Variants in ATP13A5 observed in about 807,000 individuals in gnomAD.
The protein encoded by ATP13A5 is probable cation-transporting ATPase 13A5.
ATP13A5 carries 149 observed loss-of-function variants against 150.2 expected under a neutral mutation model. The observed-to-expected ratio is 0.99, with a 90% CI of 0.87 to 1.14. The LOEUF (loss-of-function observed/expected upper bound fraction) is 1.14. Among genes scored for constraint, ATP13A5 ranks in the 50% most tolerant of loss-of-function variants. The probability of loss-of-function intolerance (pLI) is 0.00; values close to 1 mark genes in which losing one functional copy is unlikely to be tolerated. For synonymous variants in ATP13A5, 497 were observed against 522.2 expected (o/e 0.95, Z 0.66); for missense variants, 1,383 against 1,449.3 (o/e 0.95, Z 0.74).
At position 193,347,491 on chromosome 3, in the gene ATP13A5, T is replaced by C. The variant is rs182449590; in HGVS notation, c.742-2416A>G. 1.9e-3 allele frequency among the ~76,000 whole-genome samples: 292 copies of C among 151,218 alleles called. 1 individual carries two copies. Among genetic ancestry groups the C allele is most frequent in the Non-Finnish European group, 3.4e-3 (232 of 67,930 alleles). On this transcript the variant is annotated intron_variant, in intron 7 of 29. Coordinates refer to ENST00000342358, the MANE Select transcript of ATP13A5 (RefSeq NM_198505.4). The stretch of plus-strand genomic sequence containing the variant: ...TAGTGCTTAAAAATAGCATTTTTTT[T>C]CTTTAAGAAGATAAAAATCCTTCCT...
intron 25 of ATP13A5, 99 bp from the exon 26 acceptor site, chr3:193,290,158 C>A (rs1006139932): frequency 2.3e-5 from 28 of 1,216,370 alleles, no homozygotes; most frequent in Non-Finnish European, 3.1e-5. Flanking sequence ...CATTGGGATT[C>A]AGACTAAGCA....
At chr3:193,338,344 A>T (rs1158106173) in intron 9 of ATP13A5, among the ~76,000 whole-genome samples, 1 of 152,158 alleles carries the variant, frequency 6.6e-6, no homozygotes, top group East Asian at 1.9e-4. Context: ...GTTTTTGCCC[A>T]TTCAGTATGA....
intron 17 of ATP13A5, 94 bp from the exon 18 acceptor site, chr3:193,315,190 A>C (rs1390727778): frequency 1.6e-6 from 2 of 1,263,472 alleles, no homozygotes; most frequent in Admixed American, 2.3e-5. Context: ...AAGTTTTATT[A>C]ATGCAATACA....
intron 11 of ATP13A5, among the ~76,000 whole-genome samples, chr3:193,332,091 C>T (rs1003020092): frequency 6.6e-6 from 1 of 152,150 alleles, no homozygotes; most frequent in African/African-American, 2.4e-5. Context: ...TAATTCCCAC[C>T]TGTAGTAAGA....
chr3:193,290,870 ATG>A (rs1214913869), intron 25 of ATP13A5, among the ~76,000 whole-genome samples: 1 of 152,166 alleles, frequency 6.6e-6, no homozygotes, highest in African/African-American at 2.4e-5. Flanking sequence ...GGAAGGAAGC[ATG>A]AGGAGGACAG....
chr3:193,300,020 T>A (rs1028233053), intron 24 of ATP13A5, among the ~76,000 whole-genome samples: 3 of 152,106 alleles, frequency 2.0e-5, no homozygotes, highest in Non-Finnish European at 4.4e-5. Context: ...TCTAGACCAC[T>A]AGAATGAATG....
At chr3:193,311,970 T>C (rs773631730) in intron 19 of ATP13A5, 29 bp from the exon 20 acceptor site, 2 of 1,612,042 alleles carry the variant, frequency 1.2e-6, no homozygotes, top group Non-Finnish European at 1.7e-6. Context: ...CATTTCTACA[T>C]TGACTCCTAA....
chr3:193,333,829 G>C lies in ATP13A5; in HGVS notation c.1193C>G (p.Ala398Gly). ...RPLNFKLYSD[A>G]FKFIVFLACL... ...GGCCAGGAACACGATGAACTTGAAG[G>C]CATCGCTGTATAGTTTGAAGTTCAG... is the stretch of plus-strand genomic sequence containing the variant. The change falls in exon 11 of 30, where the codon GCC becomes GGC. Residue 398 changes from alanine (A) to glycine (G), a missense_variant. By Grantham distance (60) the Ala-to-Gly change is moderately conservative. Around this residue, in one of 3 missense-constraint regions of ATP13A5, gnomAD observed 787 missense variants for 771.9 expected, o/e 1.02. Coordinates refer to ENST00000342358, the MANE Select transcript of ATP13A5 (RefSeq NM_198505.4). The C allele has an allele frequency of 6.2e-7, 1 of 1,613,882 alleles. No individual in the cohort carries two copies. The highest frequency in any genetic ancestry group is 8.5e-7 in the Non-Finnish European group (1 of 1,179,842).
rs560253042 is a variant in ATP13A5, at chr3:193,361,766, T to G, written c.536+615A>C. ...TCATGATTGTGCCACCATTTATGCC[T>G]CTCTTTCTGACTAGTCCGTGTCTCT... On this transcript the variant is annotated intron_variant, in intron 5 of 29. Transcript: ENST00000342358. Among the ~76,000 whole-genome samples, 51 of 152,344 alleles carry G rather than the reference T, an allele frequency of 3.3e-4. No homozygotes were observed. The South Asian group carries it at 0.01, about 30-fold the overall frequency.
At chr3:193,286,845 CA>C (rs1717743483) in intron 26 of ATP13A5, among the ~76,000 whole-genome samples, 1 of 152,092 alleles carries the variant, frequency 6.6e-6, no homozygotes, top group Non-Finnish European at 1.5e-5. Flanking sequence ...CAAGACAGGC[CA>C]AAAGCTAGGC....
At chr3:193,350,361 C>T (rs1712518308) in intron 7 of ATP13A5, among the ~76,000 whole-genome samples, 1 of 152,096 alleles carries the variant, frequency 6.6e-6, no homozygotes, top group East Asian at 1.9e-4. Flanking sequence ...GAATGCATAA[C>T]AATCATTAGT....
intron 14 of ATP13A5, chr3:193,323,269 T>C (rs1461946999): frequency 6.6e-6 from 1 of 152,056 alleles, no homozygotes; most frequent in African/African-American, 2.4e-5. Context: ...CTGAAAAATA[T>C]TCTGACATCC....
chr3:193,294,829 T>C (rs1209747612), intron 25 of ATP13A5, among the ~76,000 whole-genome samples: 3 of 152,134 alleles, frequency 2.0e-5, no homozygotes, highest in African/African-American at 7.2e-5. Flanking sequence ...CTAGCCTAGC[T>C]CAAACATGCT....
chr3:193,324,415 C>A (rs983699902), intron 14 of ATP13A5, among the ~76,000 whole-genome samples: 3 of 152,154 alleles, frequency 2.0e-5, no homozygotes, highest in Admixed American at 6.5e-5. Flanking sequence ...ACATATGGCT[C>A]GTGGCTGCTC....
intron 25 of ATP13A5, among the ~76,000 whole-genome samples, chr3:193,292,276 G>A (rs1717993878): frequency 6.6e-6 from 1 of 152,130 alleles, no homozygotes; most frequent in Non-Finnish European, 1.5e-5. Context: ...AGTATCCAAA[G>A]CAGAATGTAG....
intron 25 of ATP13A5, 28 bp from the exon 26 acceptor site, chr3:193,290,087 T>TGA (rs1717889545): frequency 6.4e-7 from 1 of 1,567,850 alleles, no homozygotes; most frequent in Non-Finnish European, 8.6e-7. Flanking sequence ...TTTTTTCCTA[T>TGA]TACAATCTTA....
chr3:193,291,087 A>G (rs2367477), intron 25 of ATP13A5, among the ~76,000 whole-genome samples: 60,712 of 151,930 alleles, frequency 0.4, 13,304 homozygotes, highest in Non-Finnish European at 0.48. Flanking sequence ...ACTCTATAGT[A>G]TTTCTTTGCT....
chr3:193,342,502 C>T (rs1328639664), intron 9 of ATP13A5, among the ~76,000 whole-genome samples: 3 of 152,148 alleles, frequency 2.0e-5, no homozygotes, highest in East Asian at 1.9e-4. Context: ...TGGCCTCTAT[C>T]GGTACTTAAG....
At chr3:193,290,340 A>T (rs377717309) in intron 25 of ATP13A5, among the ~76,000 whole-genome samples, 3 of 152,124 alleles carry the variant, frequency 2.0e-5, no homozygotes, top group African/African-American at 7.2e-5. Flanking sequence ...TATTTCCTCC[A>T]TAACCAGACT....
Sources: gnomAD v4.1 joint callset for allele counts (sites outside exome capture counted in the v4.1 genomes callset) on GRCh38, gnomAD v4.1.1 for gene constraint, gnomAD v4.1.1 regional missense constraint, MANE v1.5 for transcripts, NCBI Gene and HGNC (gene_info 2026-07-23, HGNC 2026-07-21) for gene names.